The following SHISA6 variants were observed in gnomAD, a reference collection of about 807,000 sequenced individuals.
The protein encoded by SHISA6 is shisa family member 6, also known as protein shisa-6.
A neutral mutation model predicts 47.9 loss-of-function variants in SHISA6; 22 were observed. That is an observed-to-expected ratio of 0.46 (90% CI 0.33 to 0.66). SHISA6 has a LOEUF of 0.66. Ranked by LOEUF, SHISA6 falls within the 30% of genes least tolerant of loss-of-function variation. SHISA6 has a pLI of 0.02. For synonymous variants in SHISA6, 388 were observed against 337.8 expected (o/e 1.15, Z -1.63); for missense variants, 680 against 764.6 (o/e 0.89, Z 1.30).
intron 3 of SHISA6, among the ~76,000 whole-genome samples, chr17:11,526,919 ATATATATATATATATATT>A (rs1280855273): frequency 8.0e-4 from 19 of 23,730 alleles, no homozygotes; most frequent in African/African-American, 3.6e-3. Context: ...ATATATATAT[ATATATATATATATATATT>A]ATAATGATCA....
chr17:11,390,128 C>T (rs1480970918), intron 3 of SHISA6, among the ~76,000 whole-genome samples: 1 of 152,216 alleles, frequency 6.6e-6, no homozygotes, highest in Non-Finnish European at 1.5e-5. Flanking sequence ...GAATCATGGC[C>T]TCAGCCTCAG....
Position 11,560,827 on chromosome 17 carries a change from T to C in SHISA6, c.*2523T>C, listed in dbSNP as rs2072035931. On this transcript the variant is annotated 3_prime_UTR_variant, in exon 6 of 6. Coordinates refer to ENST00000441885, the MANE Select transcript of SHISA6 (RefSeq NM_207386.4). Reference sequence around the variant, plus strand: ...TCTGGCTGAAAGGCTCTGATGTCAGTTGGGTTGGAAAATTCTACTGCAATG... The same window carrying C: ...TCTGGCTGAAAGGCTCTGATGTCAGCTGGGTTGGAAAATTCTACTGCAATG... 1 of 152,026 alleles carries C rather than the reference T, an allele frequency of 6.6e-6. No individual in the cohort carries two copies. Among genetic ancestry groups the C allele is most frequent in the Non-Finnish European group, 1.5e-5 (1 of 68,022 alleles). The allele number at this position is 152,026 out of a possible 1,614,324, so 9.4% of individuals were successfully genotyped here.
rs566786688 is a variant in SHISA6, at chr17:11,402,619, A to G, written c.895+23110A>G. On this transcript the variant is annotated intron_variant, in intron 3 of 5. Coordinates refer to ENST00000441885, the MANE Select transcript of SHISA6 (RefSeq NM_207386.4). ...TGAGGATTATAGAAAATGGCTCTTA[A>G]ATGTTTTTACTTTGACTTGATGCAT... is the stretch of plus-strand genomic sequence containing the variant. Among the ~76,000 whole-genome samples the G allele has an allele frequency of 1.4e-4, 21 of 152,294 alleles. No homozygotes were observed. The East Asian group carries it at 4.1e-3, about 29-fold the overall frequency.
chr17:11,536,943 C>T (rs930601736), intron 3 of SHISA6, among the ~76,000 whole-genome samples: 10 of 152,198 alleles, frequency 6.6e-5, no homozygotes, highest in African/African-American at 2.4e-4. Flanking sequence ...TCCAGCATCT[C>T]CAGGCTCACA....
rs191763659 is a variant in SHISA6 at position 11,462,626 on chromosome 17, T to C, written c.895+83117T>C. Among the ~76,000 whole-genome samples the C allele has an allele frequency of 3.1e-3, 469 of 152,170 alleles. 4 individuals are homozygous for C. Among genetic ancestry groups the C allele is most frequent in the Non-Finnish European group, 4.2e-3 (285 of 68,006 alleles). On this transcript the variant is annotated intron_variant, in intron 3 of 5. Coordinates refer to ENST00000441885, the MANE Select transcript of SHISA6 (RefSeq NM_207386.4). ...GTGTGGGGTTTTTTTTGTTTGTTTG[T>C]TTTTGTTTTTTTGAGACAGGGTCTC...
intron 1 of SHISA6, 44 bp downstream of exon 1, chr17:11,242,104 C>A: frequency 6.5e-7 from 1 of 1,546,428 alleles, no homozygotes; most frequent in Non-Finnish European, 8.7e-7. Context: ...CCCGCGGCCT[C>A]ACCCTCTCAG....
Position 11,558,721 on chromosome 17 carries a change from A to G in SHISA6, c.*417A>G. On this transcript the variant is annotated 3_prime_UTR_variant, in exon 6 of 6. Transcript: ENST00000441885. Reference sequence around the variant, plus strand: ...TGGGTTTGAAGGGGCCAGCGGGTCCAATCAGTGGGCTGACCGGATAGGCTA... The same window carrying G: ...TGGGTTTGAAGGGGCCAGCGGGTCCGATCAGTGGGCTGACCGGATAGGCTA... The G allele has an allele frequency of 4.1e-6, 1 of 242,868 alleles. No homozygotes were observed. The highest frequency in any genetic ancestry group is 8.1e-6 in the Non-Finnish European group (1 of 123,840). 15.0% of individuals were successfully genotyped at this position (242,868 alleles called of 1,614,324 possible). A position where few individuals can be genotyped will look rare whatever the true frequency, so the allele number is the denominator to read the frequency against.
chr17:11,282,057 T>C (rs1002011556), intron 2 of SHISA6, among the ~76,000 whole-genome samples: 2 of 152,246 alleles, frequency 1.3e-5, no homozygotes, highest in African/African-American at 4.8e-5. Context: ...GGATCTATGA[T>C]ACATTTGTGG....
At position 11,563,214 on chromosome 17, in the gene SHISA6, G is replaced by T; in HGVS notation, c.*4910G>T. 6.6e-6 allele frequency: 1 copy of T among 152,350 alleles called. No homozygotes were observed. Among genetic ancestry groups the T allele is most frequent in the East Asian group, 1.9e-4 (1 of 5,174 alleles). 9.4% of individuals were successfully genotyped at this position (152,350 alleles called of 1,614,324 possible). A position where few individuals can be genotyped will look rare whatever the true frequency, so the allele number is the denominator to read the frequency against. ...CTGCAGAGGAACGTGTTCACAGGCT[G>T]TTGTGTGGCAATGAATGTCATGATA... On this transcript the variant is annotated 3_prime_UTR_variant, in exon 6 of 6. Coordinates refer to ENST00000441885, the MANE Select transcript of SHISA6 (RefSeq NM_207386.4).
chr17:11,432,719 T>A (rs1201370510), intron 3 of SHISA6, among the ~76,000 whole-genome samples: 2 of 151,906 alleles, frequency 1.3e-5, no homozygotes, highest in Non-Finnish European at 2.9e-5. Flanking sequence ...ATAAAAAGAA[T>A]GAAGTGCCAA....
intron 2 of SHISA6, among the ~76,000 whole-genome samples, chr17:11,325,686 GTGC>G (rs1344840215): frequency 3.8e-4 from 52 of 137,140 alleles, no homozygotes; most frequent in Non-Finnish European, 3.4e-4. Context: ...GCAGGAAAGT[GTGC>G]CATGTTTAAA....
At chr17:11,245,749 T>TA (rs1555570400) in intron 1 of SHISA6, among the ~76,000 whole-genome samples, 4 of 110,464 alleles carry the variant, frequency 3.6e-5, no homozygotes, top group Non-Finnish European at 6.8e-5. Flanking sequence ...GTGGGCAGGG[T>TA]GGGGGGGGTG....
intron 3 of SHISA6, among the ~76,000 whole-genome samples, chr17:11,536,280 A>G (rs1319931642): frequency 6.6e-6 from 1 of 152,240 alleles, no homozygotes; most frequent in East Asian, 1.9e-4. Context: ...CTATGATAGT[A>G]TGCCAGGAAC....
intron 2 of SHISA6, among the ~76,000 whole-genome samples, chr17:11,332,150 C>T (rs1197093522): frequency 1.3e-5 from 2 of 151,952 alleles, no homozygotes; most frequent in East Asian, 3.9e-4. Flanking sequence ...ACCATCCTCC[C>T]CCACCTCTCT....
At chr17:11,454,067 G>C (rs565558700) in intron 3 of SHISA6, among the ~76,000 whole-genome samples, 1 of 152,280 alleles carries the variant, frequency 6.6e-6, no homozygotes, top group South Asian at 2.1e-4. Context: ...TCAGTAATCC[G>C]TGTTGGCTTA....
At chr17:11,348,470 A>T (rs1007644091) in intron 2 of SHISA6, among the ~76,000 whole-genome samples, 1 of 152,184 alleles carries the variant, frequency 6.6e-6, no homozygotes, top group Admixed American at 6.5e-5. Context: ...ATTTAAAAGA[A>T]TTAAATAATT....
At chr17:11,274,571 G>A (rs941636560) in intron 2 of SHISA6, among the ~76,000 whole-genome samples, 1 of 152,132 alleles carries the variant, frequency 6.6e-6, no homozygotes, top group African/African-American at 2.4e-5. Flanking sequence ...GGCCTTTAGC[G>A]GTCTTTTCCT....
At chr17:11,346,940 A>G (rs1911718507) in intron 2 of SHISA6, among the ~76,000 whole-genome samples, 1 of 152,222 alleles carries the variant, frequency 6.6e-6, no homozygotes, top group African/African-American at 2.4e-5. Flanking sequence ...GATGTAATGA[A>G]TTGTTCTTTG....
chr17:11,270,781 T>C lies in SHISA6; in HGVS notation c.799+7255T>C, dbSNP rs535048104. Among the ~76,000 whole-genome samples, 11 of 152,300 alleles carry C rather than the reference T, an allele frequency of 7.2e-5. No homozygotes were observed. The South Asian group carries it at 2.1e-3, about 29-fold the overall frequency. ...CTCTGAAAGTCCCAGCCATCTTCCA[T>C]GCGGTATTTCCTTCCACGTGGAATG... is the stretch of plus-strand genomic sequence containing the variant. On this transcript the variant is annotated intron_variant, in intron 2 of 5. Transcript: ENST00000441885.
Sources: gnomAD v4.1 joint callset for allele counts (sites outside exome capture counted in the v4.1 genomes callset) on GRCh38, gnomAD v4.1.1 for gene constraint, MANE v1.5 for transcripts, NCBI Gene and HGNC (gene_info 2026-07-23, HGNC 2026-07-21) for gene names.